Variants in MAST4 observed in about 807,000 individuals in gnomAD.
MAST4 encodes the protein microtubule-associated serine/threonine-protein kinase 4.
A neutral mutation model predicts 162.7 loss-of-function variants in MAST4; 89 were observed. That is an observed-to-expected ratio of 0.55 (90% CI 0.46 to 0.65). MAST4 has a LOEUF of 0.65. MAST4 is among the 30% of genes least tolerant of loss of function. The pLI is 0.00. For synonymous variants in MAST4, 1,479 were observed against 1,361.1 expected (o/e 1.09, Z -1.91); for missense variants, 3,153 against 3,374.0 (o/e 0.93, Z 1.62).
chr5:66,710,801 T>C (rs1425346212), intron 1 of MAST4, among the ~76,000 whole-genome samples: 1 of 152,212 alleles, frequency 6.6e-6, no homozygotes, highest in Non-Finnish European at 1.5e-5. Context: ...AAGGGATTTA[T>C]TCTATGAGTC....
intron 4 of MAST4, among the ~76,000 whole-genome samples, chr5:67,015,828 C>T (rs1753224262): frequency 6.6e-6 from 1 of 152,270 alleles, no homozygotes; most frequent in Admixed American, 6.5e-5. Context: ...CTCTGTGACC[C>T]TTTTACTGCT....
intron 4 of MAST4, among the ~76,000 whole-genome samples, chr5:67,038,898 C>G (rs1386837824): frequency 6.6e-6 from 1 of 152,150 alleles, no homozygotes; most frequent in Non-Finnish European, 1.5e-5. Flanking sequence ...TAAATAGTCA[C>G]TGAAGCTAGT....
chr5:67,026,125 G>C (rs1042719405), intron 4 of MAST4, among the ~76,000 whole-genome samples: 1 of 152,208 alleles, frequency 6.6e-6, no homozygotes, highest in Admixed American at 6.5e-5. Context: ...CCTAGAGTTT[G>C]TAAGTGTTTT....
intron 5 of MAST4, among the ~76,000 whole-genome samples, chr5:67,080,565 G>C (rs1762481449): frequency 6.6e-6 from 1 of 152,058 alleles, no homozygotes; most frequent in African/African-American, 2.4e-5. Flanking sequence ...TGCATGTACA[G>C]AACATAAATG....
At chr5:66,992,897 C>A (rs1472195731) in intron 4 of MAST4, among the ~76,000 whole-genome samples, 1 of 152,180 alleles carries the variant, frequency 6.6e-6, no homozygotes, top group Non-Finnish European at 1.5e-5. Context: ...TGATGTAGCA[C>A]TCTTGATTCT....
Position 66,788,735 on chromosome 5 carries a change from C to T in MAST4, c.583C>T (p.Leu195Phe), listed in dbSNP as rs770518684. The change falls in exon 3 of 29, where the codon CTC becomes TTC. Residue 195 changes from leucine to phenylalanine, a missense_variant. By Grantham distance (22) the Leu-to-Phe change is conservative. Around this residue, in one of 7 missense-constraint regions of MAST4, gnomAD observed 327 missense variants for 336.5 expected, o/e 0.97. Transcript: ENST00000403625. ...AWPASAETSN[L>F]VRMRSQALGQ... The stretch of plus-strand genomic sequence containing the variant: ...GCCGGCCTCTGCAGAGACGTCCAAC[C>T]TCGTGCGCATGCGCAGCCAGGCCCT... 3.1e-6 allele frequency: 5 copies of T among 1,613,150 alleles called. No individual in the cohort carries two copies. The highest frequency in any genetic ancestry group is 8.5e-7 in the Non-Finnish European group (1 of 1,179,482).
At chr5:67,086,448 G>A (rs1034671638) in intron 5 of MAST4, among the ~76,000 whole-genome samples, 4 of 152,172 alleles carry the variant, frequency 2.6e-5, no homozygotes, top group Non-Finnish European at 4.4e-5. Context: ...GTGTAGTGCC[G>A]TTAGGTAAAG....
At chr5:66,667,648 CCACTTATGG>C (rs1428629703) in intron 1 of MAST4, among the ~76,000 whole-genome samples, 3 of 152,186 alleles carry the variant, frequency 2.0e-5, no homozygotes, top group African/African-American at 4.8e-5. Flanking sequence ...TCCTACTCCA[CCACTTATGG>C]TCAGTGAATT....
intron 1 of MAST4, among the ~76,000 whole-genome samples, chr5:66,613,754 A>G (rs1743452165): frequency 6.6e-6 from 1 of 152,216 alleles, no homozygotes; most frequent in Non-Finnish European, 1.5e-5. Context: ...AGGGTGGCTA[A>G]TTCTTGGTGT....
intron 1 of MAST4, among the ~76,000 whole-genome samples, chr5:66,633,781 A>G (rs936619418): frequency 2.0e-5 from 3 of 151,994 alleles, no homozygotes; most frequent in African/African-American, 7.2e-5. Flanking sequence ...ATTTTTTCGT[A>G]TATGCTAAAA....
chr5:66,793,603 G>A (rs756182957), intron 3 of MAST4, among the ~76,000 whole-genome samples: 2 of 152,128 alleles, frequency 1.3e-5, no homozygotes, highest in East Asian at 1.9e-4. Context: ...AAATGGCTAC[G>A]TGGCCATCAT....
intron 5 of MAST4, among the ~76,000 whole-genome samples, chr5:67,074,906 C>T (rs953131076): frequency 1.3e-5 from 2 of 152,136 alleles, no homozygotes; most frequent in African/African-American, 4.8e-5. Context: ...GGATTTTAAA[C>T]GTTTCACCAG....
chr5:66,707,169 G>A (rs1246690286), intron 1 of MAST4, among the ~76,000 whole-genome samples: 1 of 152,176 alleles, frequency 6.6e-6, no homozygotes, highest in African/African-American at 2.4e-5. Flanking sequence ...CCCTCCTTGG[G>A]GAGTCCTGTC....
chr5:66,821,957 G>A (rs1265942976), intron 3 of MAST4, among the ~76,000 whole-genome samples: 1 of 152,178 alleles, frequency 6.6e-6, no homozygotes, highest in Non-Finnish European at 1.5e-5. Context: ...CCAGTGAGGG[G>A]CATGGGCTGC....
chr5:66,630,980 T>A (rs1744757187), intron 1 of MAST4, among the ~76,000 whole-genome samples: 1 of 152,244 alleles, frequency 6.6e-6, no homozygotes, highest in Non-Finnish European at 1.5e-5. Context: ...GTTTGGGTTC[T>A]ACCTTATTTT....
intron 6 of MAST4, among the ~76,000 whole-genome samples, chr5:67,091,870 G>A (rs1398366072): frequency 6.6e-6 from 1 of 152,142 alleles, no homozygotes; most frequent in Non-Finnish European, 1.5e-5. Flanking sequence ...ATTATCACAG[G>A]AGACCTCTAG....
At chr5:66,897,662 C>T (rs937799043) in intron 3 of MAST4, among the ~76,000 whole-genome samples, 10 of 152,184 alleles carry the variant, frequency 6.6e-5, no homozygotes, top group African/African-American at 1.7e-4. Context: ...GCTTGGTTAG[C>T]GTGGTAGCTT....
intron 5 of MAST4, among the ~76,000 whole-genome samples, chr5:67,061,214 T>G (rs1759542926): frequency 6.6e-6 from 1 of 152,166 alleles, no homozygotes; most frequent in African/African-American, 2.4e-5. Flanking sequence ...TGTTGAAACT[T>G]TTGTTCCCCC....
At chr5:66,999,733 T>C (rs1306797473) in intron 4 of MAST4, among the ~76,000 whole-genome samples, 1 of 152,172 alleles carries the variant, frequency 6.6e-6, no homozygotes, top group African/African-American at 2.4e-5. Context: ...GGATAATGTT[T>C]CTTTCATTTT....
Sources: gnomAD v4.1 joint callset for allele counts (sites outside exome capture counted in the v4.1 genomes callset) on GRCh38, gnomAD v4.1.1 for gene constraint, gnomAD v4.1.1 regional missense constraint, MANE v1.5 for transcripts, NCBI Gene and HGNC (gene_info 2026-07-23, HGNC 2026-07-21) for gene names.